The following CSMD1 variants were observed in gnomAD, a reference collection of about 807,000 sequenced individuals.
CSMD1 encodes CUB and Sushi multiple domains 1, also known as CUB and sushi domain-containing protein 1.
In CSMD1, 213 loss-of-function variants were observed where a neutral mutation model predicts 417.5. That is an observed-to-expected ratio of 0.51 (90% CI 0.46 to 0.57). The LOEUF is 0.57. Ranked by LOEUF, CSMD1 falls within the 20% of genes least tolerant of loss-of-function variation. The pLI, the probability that CSMD1 is intolerant of heterozygous loss-of-function variation, is 0.00. For synonymous variants in CSMD1, 2,862 were observed against 1,736.8 expected, an observed-to-expected ratio of 1.65 and a Z score of -16.11; for missense variants, 6,923 against 4,529.7, an observed-to-expected ratio of 1.53 and a Z score of -15.17.
intron 5 of CSMD1, among the ~76,000 whole-genome samples, chr8:3,898,472 G>C (rs992088603): frequency 6.6e-6 from 1 of 152,146 alleles, no homozygotes; most frequent in African/African-American, 2.4e-5. Context: ...TATGGATGTC[G>C]CATCATAATT....
chr8:4,117,440 G>C (rs942607774), intron 3 of CSMD1, among the ~76,000 whole-genome samples: 1 of 152,074 alleles, frequency 6.6e-6, no homozygotes, highest in African/African-American at 2.4e-5. Flanking sequence ...AGGACCGCAT[G>C]CTGCAATTTC....
chr8:4,034,852 A>G (rs1020667341), intron 3 of CSMD1, among the ~76,000 whole-genome samples: 5 of 152,206 alleles, frequency 3.3e-5, no homozygotes, highest in African/African-American at 9.6e-5. Context: ...ATTGTTCCCC[A>G]AAGACACGGT....
At chr8:4,836,570 T>G (rs1168263923) in intron 1 of CSMD1, among the ~76,000 whole-genome samples, 1 of 152,190 alleles carries the variant, frequency 6.6e-6, no homozygotes, top group Admixed American at 6.5e-5. Context: ...AACTTGAACT[T>G]TATGAATAAG....
At chr8:4,600,618 T>G (rs1026451965) in intron 2 of CSMD1, among the ~76,000 whole-genome samples, 6 of 152,216 alleles carry the variant, frequency 3.9e-5, no homozygotes, top group African/African-American at 1.4e-4. Context: ...AAACCTTATT[T>G]GTGAAATTAA....
chr8:3,271,136 T>C (rs901458133), intron 26 of CSMD1, among the ~76,000 whole-genome samples: 1 of 141,064 alleles, frequency 7.1e-6, no homozygotes, highest in Non-Finnish European at 1.5e-5. Context: ...TGTTCACGTG[T>C]TCTCATTGTT....
At chr8:4,167,323 G>A (rs868812517) in intron 3 of CSMD1, among the ~76,000 whole-genome samples, 4 of 152,088 alleles carry the variant, frequency 2.6e-5, no homozygotes, top group Non-Finnish European at 5.9e-5. Context: ...GTAACTTAGA[G>A]GTATCTAAGT....
intron 5 of CSMD1, chr8:3,949,876 C>T: frequency 2.2e-6 from 1 of 455,528 alleles, no homozygotes; most frequent in South Asian, 1.6e-5. Flanking sequence ...CCTCATTCAG[C>T]CCCAATTCAA....
At chr8:3,277,487 G>A (rs1169432441) in intron 26 of CSMD1, among the ~76,000 whole-genome samples, 1 of 152,126 alleles carries the variant, frequency 6.6e-6, no homozygotes, top group Non-Finnish European at 1.5e-5. Context: ...TTTGAATAGG[G>A]ACTCCACTGA....
At chr8:4,272,603 T>C (rs1585135564) in intron 3 of CSMD1, among the ~76,000 whole-genome samples, 1 of 152,206 alleles carries the variant, frequency 6.6e-6, no homozygotes, top group Non-Finnish European at 1.5e-5. Flanking sequence ...GCAGGGCTTT[T>C]ATGTGCCTGT....
chr8:3,054,306 C>A (rs1278123638), intron 49 of CSMD1, among the ~76,000 whole-genome samples: 1 of 152,186 alleles, frequency 6.6e-6, no homozygotes, highest in East Asian at 1.9e-4. Flanking sequence ...AATGGATGAT[C>A]AGGTACTGCA....
chr8:3,965,036 T>A (rs190780517), intron 5 of CSMD1, among the ~76,000 whole-genome samples: 1 of 152,236 alleles, frequency 6.6e-6, no homozygotes, highest in African/African-American at 2.4e-5. Context: ...TTCTACACAA[T>A]GTGCTTGTAA....
At chr8:4,148,259 A>G (rs1028351429) in intron 3 of CSMD1, among the ~76,000 whole-genome samples, 4 of 151,676 alleles carry the variant, frequency 2.6e-5, no homozygotes, top group African/African-American at 9.7e-5. Context: ...TCAGCAAACT[A>G]TCACAAGGAC....
intron 4 of CSMD1, among the ~76,000 whole-genome samples, chr8:4,021,641 C>A (rs772985472): frequency 2.0e-5 from 3 of 152,186 alleles, no homozygotes; most frequent in African/African-American, 4.8e-5. Flanking sequence ...TTTAAACTCT[C>A]TCTCCCCATC....
intron 3 of CSMD1, among the ~76,000 whole-genome samples, chr8:4,184,739 G>A (rs1023805800): frequency 7.3e-5 from 11 of 150,370 alleles, no homozygotes; most frequent in African/African-American, 2.7e-4. Flanking sequence ...AATAACTAAT[G>A]GGTACTGGGC....
intron 3 of CSMD1, among the ~76,000 whole-genome samples, chr8:4,131,673 CTTCA>C (rs2130982233): frequency 6.6e-6 from 1 of 150,572 alleles, no homozygotes; most frequent in African/African-American, 2.4e-5. Context: ...GTTAGATAGA[CTTCA>C]TTTATTGCAT....
intron 3 of CSMD1, among the ~76,000 whole-genome samples, chr8:4,042,936 GC>G (rs1430224724): frequency 6.6e-6 from 1 of 150,496 alleles, no homozygotes; most frequent in Non-Finnish European, 1.5e-5. Context: ...GACCAGTCTG[GC>G]CAAGAGAGCA....
intron 12 of CSMD1, among the ~76,000 whole-genome samples, chr8:3,432,148 G>A (rs980184306): frequency 1.4e-4 from 21 of 152,280 alleles, no homozygotes; most frequent in Middle Eastern, 3.4e-3. Flanking sequence ...TCAGTAGATT[G>A]CTTGGTAATA....
chr8:3,424,048 T>G (rs1469059992), intron 12 of CSMD1, among the ~76,000 whole-genome samples: 1 of 152,200 alleles, frequency 6.6e-6, no homozygotes, highest in Non-Finnish European at 1.5e-5. Flanking sequence ...AAAATTTACC[T>G]CCTTTTAAAA....
chr8:2,992,063 C>A (rs999391238), intron 54 of CSMD1, among the ~76,000 whole-genome samples: 1 of 152,170 alleles, frequency 6.6e-6, no homozygotes, highest in African/African-American at 2.4e-5. Context: ...TATAGCAATT[C>A]TTTCAATATT....
Sources: allele counts gnomAD v4.1 joint callset (sites outside exome capture counted in the v4.1 genomes callset), GRCh38; gene constraint gnomAD v4.1.1; transcripts MANE v1.5; gene names NCBI Gene and HGNC (gene_info 2026-07-23, HGNC 2026-07-21).